Variants in CDKN1C observed in about 807,000 individuals in gnomAD.
CDKN1C encodes the protein cyclin dependent kinase inhibitor 1C.
Under a neutral mutation model 16.5 loss-of-function variants are expected in CDKN1C, and 7 were observed. The observed-to-expected ratio is 0.42, with a 90% CI of 0.24 to 0.80. The LOEUF (loss-of-function observed/expected upper bound fraction) is 0.80, where lower values mean the gene tolerates loss of function less well. Among genes scored for constraint, CDKN1C ranks in the 30% least tolerant of loss-of-function variants. The pLI is 0.26. For synonymous variants in CDKN1C, 288 were observed against 214.4 expected, an observed-to-expected ratio of 1.34 and a Z score of -3.00; for missense variants, 429 against 437.3, an observed-to-expected ratio of 0.98 and a Z score of 0.17.
rs1404253864 is a variant in CDKN1C, at chr11:2,885,115, G to A, written c.342C>T (p.Ser114=). The A allele has an allele frequency of 6.8e-7, 1 of 1,462,004 alleles. No homozygotes were observed. Among genetic ancestry groups the A allele is most frequent in the Admixed American group, 2.6e-5 (1 of 38,642 alleles). 90.6% of individuals were successfully genotyped at this position (1,462,004 alleles called of 1,614,324 possible). A position where few individuals can be genotyped will look rare whatever the true frequency, so the allele number is the denominator to read the frequency against. Residue 114 remains serine, a synonymous_variant, in exon 2 of 4, where the codon TCC becomes TCT. Transcript: ENST00000440480. The stretch of plus-strand genomic sequence containing the variant: ...CCGGCGCCTCCTCGAGGCCGTCGAG[G>A]GACTCAGCGGCCGGCTCGAGGGGCG... ...VSPPLEPAAE[S]LDGLEEAPEQ...
chr11:2,884,447 G>A (rs1848902551), intron 2 of CDKN1C: 2 of 293,348 alleles, frequency 6.8e-6, no homozygotes, highest in Non-Finnish European at 1.2e-5. Context: ...CCGGGGGGTC[G>A]CGGCCGGGAT....
chr11:2,884,843 G>C lies in CDKN1C; in HGVS notation c.614C>G (p.Pro205Arg). ...PAPAPAPAPAPDAAPQESAEQ... is the reference protein window; with the variant it reads ...PAPAPAPAPARDAAPQESAEQ... The stretch of plus-strand genomic sequence containing the variant: ...GGCGCTCTCTTGAGGCGCCGCGTCC[G>C]GGGCCGGGGCCGGGGCGGGGGCCGG... The change falls in exon 2 of 4, where the codon CCG (proline) becomes CGG (arginine). Residue 205 changes from proline (P) to arginine (R), a missense_variant. Pro to Arg is a moderately radical substitution (Grantham distance 103). Coordinates refer to ENST00000440480, the MANE Select transcript of CDKN1C (RefSeq NM_001122630.2). The C allele has an allele frequency of 2.6e-6, 3 of 1,153,818 alleles. No homozygotes were observed. The highest frequency in any genetic ancestry group is 4.0e-5 in the East Asian group (1 of 24,978). 71.5% of individuals were successfully genotyped at this position (1,153,818 alleles called of 1,614,324 possible).
chr11:2,884,761 G>T lies in CDKN1C; in HGVS notation c.696C>A (p.His232Gln), dbSNP rs2133782395. 1 of 1,510,534 alleles carries T rather than the reference G, an allele frequency of 6.6e-7. No individual in the cohort carries two copies. Among genetic ancestry groups the T allele is most frequent in the African/African-American group, 1.4e-5 (1 of 69,488 alleles). 93.6% of individuals were successfully genotyped at this position (1,510,534 alleles called of 1,614,324 possible). A position where few individuals can be genotyped will look rare whatever the true frequency, so the allele number is the denominator to read the frequency against. Residue 232 changes from histidine (H) to glutamine (Q), a missense_variant, in exon 2 of 4, where the codon CAC becomes CAA. Transcript: ENST00000440480. The part of the protein sequence containing the change: ...RGQEPLADQL[H>Q]SGISGRPAAG... Reference sequence around the variant, plus strand: ...CCGCGGGACGTCCCGAAATCCCCGAGTGCAGCTGGTCAGCGAGAGGCTCCT... The same window carrying T: ...CCGCGGGACGTCCCGAAATCCCCGATTGCAGCTGGTCAGCGAGAGGCTCCT...
chr11:2,885,132 C>T lies in CDKN1C; in HGVS notation c.325G>A (p.Glu109Lys), dbSNP rs1220263188. Residue 109 changes from glutamate (E) to lysine (K), a missense_variant, in exon 2 of 4, where the codon GAG becomes AAG. Transcript: ENST00000440480. Reference sequence around the variant, plus strand: ...CCGTCGAGGGACTCAGCGGCCGGCTCGAGGGGCGGGCTGACAGCCACCGCG... The same window carrying T: ...CCGTCGAGGGACTCAGCGGCCGGCTTGAGGGGCGGGCTGACAGCCACCGCG... ...AVAVAVSPPLEPAAESLDGLE... is the reference protein window; with the variant it reads ...AVAVAVSPPLKPAAESLDGLE... The T allele has an allele frequency of 2.0e-6, 3 of 1,485,880 alleles. No individual in the cohort carries two copies. Among genetic ancestry groups the T allele is most frequent in the Non-Finnish European group, 2.7e-6 (3 of 1,127,804 alleles). 92.0% of individuals were successfully genotyped at this position (1,485,880 alleles called of 1,614,324 possible).
At chr11:2,884,487 G>A (rs1230247500) in intron 2 of CDKN1C, 183 bp downstream of exon 2, 4 of 348,554 alleles carry the variant, frequency 1.1e-5, no homozygotes, top group Admixed American at 4.9e-5. Context: ...GCGCGAAGCC[G>A]CTGGAGGGCA....
intron 2 of CDKN1C, 104 bp downstream of exon 2, chr11:2,884,566 C>T (rs1471927061): frequency 4.9e-6 from 3 of 610,794 alleles, no homozygotes; most frequent in East Asian, 3.9e-5. Flanking sequence ...TTTAATGCCA[C>T]GGGAGGAGGC....
At chr11:2,884,486 C>T (rs398331) in intron 2 of CDKN1C, 184 bp downstream of exon 2, 1 of 347,724 alleles carries the variant, frequency 2.9e-6, no homozygotes, top group Non-Finnish European at 5.0e-6. Flanking sequence ...CGCGCGAAGC[C>T]GCTGGAGGGC....
At position 2,884,043 on chromosome 11, in the gene CDKN1C, C is replaced by A; in HGVS notation, c.879G>T (p.Val293=). Residue 293 remains valine (V), a synonymous_variant, in exon 3 of 4, where the codon GTG becomes GTT. Coordinates refer to ENST00000440480, the MANE Select transcript of CDKN1C (RefSeq NM_001122630.2). ...TGCGCGGGGTCTGCTCCACCGAGCC[C>A]ACGCCAGGGGCGGCGCTTGGAGAGG... ...PCPSPSAAPG[V]GSVEQTPRKR... The A allele has an allele frequency of 6.4e-7, 1 of 1,556,626 alleles. No individual in the cohort carries two copies. Among genetic ancestry groups the A allele is most frequent in the South Asian group, 1.2e-5 (1 of 84,882 alleles).
Position 2,883,929 on chromosome 11 carries a change from G to C in CDKN1C, c.*6-14C>G, listed in dbSNP as rs765932400. ...TTGGGCTCTAAACTGCGAGGAGAGG[G>C]GCGGTCAGCAAAGCCGGCGGGGACC... On this transcript the variant is annotated splice_polypyrimidine_tract_variant and intron_variant, in intron 3 of 3. Transcript: ENST00000440480. 6.3e-7 allele frequency: 1 copy of C among 1,589,128 alleles called. No individual in the cohort carries two copies.
In CDKN1C at chr11:2,885,667, G is replaced by A; in HGVS notation, c.-44C>T. ...CCGGTGGTGGACTCTTCTGCGTCGGGTTCGCCTGTCTCGTCCGGACGGCAG... is the reference window on the plus strand; with the variant it reads ...CCGGTGGTGGACTCTTCTGCGTCGGATTCGCCTGTCTCGTCCGGACGGCAG... On this transcript the variant is annotated 5_prime_UTR_variant, in exon 1 of 4. Coordinates refer to ENST00000440480, the MANE Select transcript of CDKN1C (RefSeq NM_001122630.2). The A allele has an allele frequency of 1.3e-6, 1 of 752,780 alleles. No individual in the cohort carries two copies. The highest frequency in any genetic ancestry group is 2.1e-6 in the Non-Finnish European group (1 of 469,786). The allele number at this position is 752,780 out of a possible 1,614,324, so 46.6% of individuals were successfully genotyped here. A position where few individuals can be genotyped will look rare whatever the true frequency, so the allele number is the denominator to read the frequency against.
rs764972822 is a variant in CDKN1C at position 2,884,138 on chromosome 11, C to A, written c.788-4G>T. On this transcript the variant is annotated splice_region_variant and splice_polypyrimidine_tract_variant and intron_variant, in intron 2 of 3. Transcript: ENST00000440480. ...CTCTTGCGCTTGGCGAAGAAATCTG[C>A]GGGCGACAGCGCGCGCGGCCGGTCA... 1.3e-5 allele frequency: 19 copies of A among 1,472,790 alleles called. No homozygotes were observed. In the South Asian group the frequency reaches 2.0e-4, roughly 16 times the overall value. 91.2% of individuals were successfully genotyped at this position (1,472,790 alleles called of 1,614,324 possible).
Position 2,884,091 on chromosome 11 carries a change from C to T in CDKN1C, c.831G>A (p.Ser277=), listed in dbSNP as rs370564696. Residue 277 remains serine, a synonymous_variant, in exon 3 of 4, where the codon TCG becomes TCA. Transcript: ENST00000440480. ...AGGGACACGGCGCGGGGACATCGCC[C>T]GACGACTTCTCAGGCGCTGATCTCT... ...KRKRSAPEKS[S]GDVPAPCPSP... 3.8e-5 allele frequency: 58 copies of T among 1,542,480 alleles called. No homozygotes were observed. Among genetic ancestry groups the T allele is most frequent in the Non-Finnish European group, 4.9e-5 (56 of 1,144,376 alleles).
rs945890937 is a variant in CDKN1C at position 2,885,140 on chromosome 11, G to T, written c.317C>A (p.Pro106Gln). Residue 106 changes from proline to glutamine, a missense_variant, in exon 2 of 4, where the codon CCG (proline) becomes CAG (glutamine). Transcript: ENST00000440480. The part of the protein sequence containing the change: ...RPVAVAVAVS[P>Q]PLEPAAESLD... ...GGACTCAGCGGCCGGCTCGAGGGGCGGGCTGACAGCCACCGCGACCGCGAC... is the reference window on the plus strand; with the variant it reads ...GGACTCAGCGGCCGGCTCGAGGGGCTGGCTGACAGCCACCGCGACCGCGAC... 17 of 1,499,954 alleles carry T rather than the reference G, an allele frequency of 1.1e-5. No homozygotes were observed. Among genetic ancestry groups the T allele is most frequent in the Non-Finnish European group, 1.5e-5 (17 of 1,133,142 alleles). The allele number at this position is 1,499,954 out of a possible 1,614,324, so 92.9% of individuals were successfully genotyped here. A position where few individuals can be genotyped will look rare whatever the true frequency, so the allele number is the denominator to read the frequency against.
chr11:2,883,919 C>T lies in CDKN1C; in HGVS notation c.*6-4G>A, dbSNP rs767540210. On this transcript the variant is annotated splice_polypyrimidine_tract_variant and splice_region_variant and intron_variant, in intron 3 of 3. Coordinates refer to ENST00000440480, the MANE Select transcript of CDKN1C (RefSeq NM_001122630.2). ...TCGGGGCTCTTTGGGCTCTAAACTGCGAGGAGAGGGGCGGTCAGCAAAGCC... is the reference window on the plus strand; with the variant it reads ...TCGGGGCTCTTTGGGCTCTAAACTGTGAGGAGAGGGGCGGTCAGCAAAGCC... The T allele has an allele frequency of 1.4e-5, 22 of 1,589,518 alleles. No homozygotes were observed. Among genetic ancestry groups the T allele is most frequent in the Admixed American group, 1.0e-4 (6 of 57,542 alleles).
rs1416112498 is a variant in CDKN1C, at chr11:2,885,183, G to C, written c.274C>G (p.Leu92Val). 1.3e-6 allele frequency: 2 copies of C among 1,530,892 alleles called. No homozygotes were observed. The highest frequency in any genetic ancestry group is 1.4e-5 in the African/African-American group (1 of 71,788). 94.8% of individuals were successfully genotyped at this position (1,530,892 alleles called of 1,614,324 possible). A position where few individuals can be genotyped will look rare whatever the true frequency, so the allele number is the denominator to read the frequency against. ...ACCGCGACGGGCCGCGGCGCCAGCAGCAGGCGGCAGCGCCCCACCTGCACC... is the reference window on the plus strand; with the variant it reads ...ACCGCGACGGGCCGCGGCGCCAGCACCAGGCGGCAGCGCCCCACCTGCACC... ...ETVQVGRCRL[L>V]LAPRPVAVAV... The change falls in exon 2 of 4, where the codon CTG becomes GTG. Residue 92 changes from leucine (L) to valine (V), a missense_variant. Leu to Val is a conservative substitution (Grantham distance 32). Coordinates refer to ENST00000440480, the MANE Select transcript of CDKN1C (RefSeq NM_001122630.2).
rs771731330 is a variant in CDKN1C, at chr11:2,885,137, G to A, written c.320C>T (p.Pro107Leu). 5.7e-5 allele frequency: 86 copies of A among 1,497,220 alleles called. No homozygotes were observed. Among genetic ancestry groups the A allele is most frequent in the Non-Finnish European group, 2.7e-5 (30 of 1,132,064 alleles). The allele number at this position is 1,497,220 out of a possible 1,614,324, so 92.7% of individuals were successfully genotyped here. Residue 107 changes from proline (P) to leucine (L), a missense_variant, in exon 2 of 4, where the codon CCC (proline) becomes CTC (leucine). Pro to Leu is a moderately conservative substitution (Grantham distance 98). Coordinates refer to ENST00000440480, the MANE Select transcript of CDKN1C (RefSeq NM_001122630.2). ...PVAVAVAVSPPLEPAAESLDG... is the reference protein window; with the variant it reads ...PVAVAVAVSPLLEPAAESLDG... ...GAGGGACTCAGCGGCCGGCTCGAGG[G>A]GCGGGCTGACAGCCACCGCGACCGC... is the stretch of plus-strand genomic sequence containing the variant.
chr11:2,883,906 G>A lies in CDKN1C; in HGVS notation c.*15C>T. On this transcript the variant is annotated 3_prime_UTR_variant, in exon 4 of 4. Coordinates refer to ENST00000440480, the MANE Select transcript of CDKN1C (RefSeq NM_001122630.2). Reference sequence around the variant, plus strand: ...CCGGCAGGTTCCCTCGGGGCTCTTTGGGCTCTAAACTGCGAGGAGAGGGGC... The same window carrying A: ...CCGGCAGGTTCCCTCGGGGCTCTTTAGGCTCTAAACTGCGAGGAGAGGGGC... 6.3e-7 allele frequency: 1 copy of A among 1,585,880 alleles called. No individual in the cohort carries two copies. Among genetic ancestry groups the A allele is most frequent in the Non-Finnish European group, 8.6e-7 (1 of 1,166,256 alleles).
Position 2,884,895 on chromosome 11 carries a change from C to T in CDKN1C, c.562G>A (p.Ala188Thr), listed in dbSNP as rs1422110653. The stretch of plus-strand genomic sequence containing the variant: ...GCCGGGGCCGGGGCCGGGGCTGGGG[C>T]CGGGGCCGCGACTGGAGCCGGGGCC... Reference protein sequence around the residue: ...APAPAPVAAPAPAPAPAPAPA... With the variant: ...APAPAPVAAPTPAPAPAPAPA... The change falls in exon 2 of 4, where the codon GCC becomes ACC. Residue 188 changes from alanine to threonine, a missense_variant. Transcript: ENST00000440480. 2 of 885,472 alleles carry T rather than the reference C, an allele frequency of 2.3e-6. No homozygotes were observed. Among genetic ancestry groups the T allele is most frequent in the Non-Finnish European group, 1.4e-6 (1 of 732,546 alleles). 54.9% of individuals were successfully genotyped at this position (885,472 alleles called of 1,614,324 possible).
In CDKN1C at chr11:2,884,094, C is replaced by T. The variant is rs373252940; in HGVS notation, c.828G>A (p.Ser276=). The change falls in exon 3 of 4, where the codon TCG becomes TCA. Residue 276 remains serine, a synonymous_variant. Coordinates refer to ENST00000440480, the MANE Select transcript of CDKN1C (RefSeq NM_001122630.2). The part of the protein sequence containing the change: ...AKRKRSAPEK[S]SGDVPAPCPS... ...GACACGGCGCGGGGACATCGCCCGA[C>T]GACTTCTCAGGCGCTGATCTCTTGC... 19 of 1,541,896 alleles carry T rather than the reference C, an allele frequency of 1.2e-5. No homozygotes were observed. In the African/African-American group the frequency reaches 2.5e-4, roughly 20 times the overall value.
Sources: allele counts gnomAD v4.1 joint callset, GRCh38; gene constraint gnomAD v4.1.1; transcripts MANE v1.5; gene names NCBI Gene and HGNC (gene_info 2026-07-23, HGNC 2026-07-21).